DCLK1: variants seen among roughly 807,000 people sequenced by gnomAD.
DCLK1 encodes the protein doublecortin like kinase 1.
A neutral mutation model predicts 86.2 loss-of-function variants in DCLK1; 16 were observed. That is an observed-to-expected ratio of 0.19 (90% CI 0.13 to 0.28). The LOEUF (loss-of-function observed/expected upper bound fraction) is 0.28, where lower values mean the gene tolerates loss of function less well. Among genes scored for constraint, DCLK1 ranks in the 10% least tolerant of loss-of-function variants. DCLK1 has a pLI of 1.00. For synonymous variants in DCLK1, 369 were observed against 370.5 expected (o/e 1.00, Z 0.05); for missense variants, 590 against 940.2 (o/e 0.63, Z 4.87).
chr13:35,997,040 G>C (rs1880508053), intron 3 of DCLK1, among the ~76,000 whole-genome samples: 1 of 123,024 alleles, frequency 8.1e-6, no homozygotes, highest in Admixed American at 8.7e-5. Context: ...GCTAGAAACA[G>C]AGTTTAATGA....
chr13:35,798,199 G>C (rs2086850130), intron 15 of DCLK1, among the ~76,000 whole-genome samples: 1 of 150,804 alleles, frequency 6.6e-6, no homozygotes, highest in African/African-American at 2.5e-5. Context: ...ATTTCTCTAG[G>C]GGTTACTGGG....
rs144267061 is a variant in DCLK1 at position 36,091,993 on chromosome 13, C to T, written c.723+19876G>A. 1.1e-4 allele frequency among the ~76,000 whole-genome samples: 17 copies of T among 152,290 alleles called. No homozygotes were observed. The South Asian group carries it at 2.9e-3, about 26-fold the overall frequency. ...TTGTTTATTTTGCCTAGAATGTCCT[C>T]TCATCATCTTTTCTACTTGCCAATA... is the stretch of plus-strand genomic sequence containing the variant. On this transcript the variant is annotated intron_variant, in intron 3 of 16. Coordinates refer to ENST00000360631, the MANE Select transcript of DCLK1 (RefSeq NM_001330071.2).
At position 35,769,518 on chromosome 13, in the gene DCLK1, CTTTTT is replaced by C. The variant is rs2086292266; in HGVS notation, c.*5012_*5016del. ...TATAACCTTGGACCAGTTTCAATTTCTTTTTATTTTTTCTGAGAATACACCAAAGA... is the reference window on the plus strand; with the variant it reads ...TATAACCTTGGACCAGTTTCAATTTCATTTTTTCTGAGAATACACCAAAGA... On this transcript the variant is annotated 3_prime_UTR_variant, in exon 17 of 17. Coordinates refer to ENST00000360631, the MANE Select transcript of DCLK1 (RefSeq NM_001330071.2). The C allele has an allele frequency of 6.6e-6, 1 of 151,982 alleles. No individual in the cohort carries two copies. Among genetic ancestry groups the C allele is most frequent in the Middle Eastern group, 3.2e-3 (1 of 316 alleles). 9.4% of individuals were successfully genotyped at this position (151,982 alleles called of 1,614,324 possible).
chr13:35,826,763 A>G (rs1868503997), intron 10 of DCLK1, among the ~76,000 whole-genome samples: 1 of 152,078 alleles, frequency 6.6e-6, no homozygotes, highest in Admixed American at 6.5e-5. Flanking sequence ...AAAAGAGAAA[A>G]CCTCACATTC....
At chr13:35,900,762 C>G (rs1049020937) in intron 4 of DCLK1, among the ~76,000 whole-genome samples, 2 of 152,114 alleles carry the variant, frequency 1.3e-5, no homozygotes. Context: ...GCTGTGATAA[C>G]CAAAAATGTC....
At chr13:35,782,064 T>G (rs2086535881) in intron 16 of DCLK1, among the ~76,000 whole-genome samples, 1 of 152,198 alleles carries the variant, frequency 6.6e-6, no homozygotes, top group Non-Finnish European at 1.5e-5. Flanking sequence ...GGAGGCCTTC[T>G]TGGGATGCAA....
chr13:35,858,208 G>C (rs889220527), intron 5 of DCLK1, among the ~76,000 whole-genome samples: 7 of 152,114 alleles, frequency 4.6e-5, no homozygotes. Context: ...GGCTGATCTA[G>C]GGTAGTGTCA....
chr13:36,091,238 G>A (rs1052765207), intron 3 of DCLK1, among the ~76,000 whole-genome samples: 1 of 152,146 alleles, frequency 6.6e-6, no homozygotes, highest in African/African-American at 2.4e-5. Flanking sequence ...TGCTTTTGGT[G>A]TTTTAGTCAT....
intron 4 of DCLK1, among the ~76,000 whole-genome samples, chr13:35,922,315 T>G (rs1207287557): frequency 6.6e-6 from 1 of 152,224 alleles, no homozygotes; most frequent in East Asian, 1.9e-4. Context: ...ATCTTCTACC[T>G]ATTACCTTCC....
Position 35,805,723 on chromosome 13 carries a change from T to C in DCLK1, c.1920A>G (p.Gln640=). The C allele has an allele frequency of 6.2e-7, 1 of 1,613,934 alleles. No homozygotes were observed. Among genetic ancestry groups the C allele is most frequent in the Non-Finnish European group, 8.5e-7 (1 of 1,179,930 alleles). Reference sequence around the variant, plus strand: ...CATTAACCCAGGGATGCTCAAGTACTTGAACAGCAGAAAATCGCTGATCTA... The same window carrying C: ...CATTAACCCAGGGATGCTCAAGTACCTGAACAGCAGAAAATCGCTGATCTA... ...VDVDQRFSAV[Q]VLEHPWVNDD... The change falls in exon 15 of 17, where the codon CAA becomes CAG. Residue 640 remains glutamine (Q), a synonymous_variant. Coordinates refer to ENST00000360631, the MANE Select transcript of DCLK1 (RefSeq NM_001330071.2).
chr13:35,922,731 A>T (rs1875872786), intron 4 of DCLK1, among the ~76,000 whole-genome samples: 2 of 152,198 alleles, frequency 1.3e-5, no homozygotes, highest in African/African-American at 4.8e-5. Flanking sequence ...GTTGAAGACT[A>T]AGCCACACAC....
At chr13:36,013,972 C>T (rs1453085369) in intron 3 of DCLK1, among the ~76,000 whole-genome samples, 5 of 151,870 alleles carry the variant, frequency 3.3e-5, no homozygotes, top group Non-Finnish European at 7.4e-5. Context: ...CAATATTCGC[C>T]AGGTGCGTCC....
At chr13:36,121,665 GA>G (rs1388536288) in intron 2 of DCLK1, among the ~76,000 whole-genome samples, 1 of 151,964 alleles carries the variant, frequency 6.6e-6, no homozygotes, top group African/African-American at 2.4e-5. Context: ...GTATTCACAG[GA>G]AAAAAAGCAC....
intron 4 of DCLK1, among the ~76,000 whole-genome samples, chr13:35,908,696 C>T (rs142579607): frequency 3.9e-5 from 6 of 152,272 alleles, no homozygotes; most frequent in East Asian, 1.9e-4. Flanking sequence ...AGTGCAATGG[C>T]GTGATCTTGG....
chr13:35,936,346 GA>G (rs1324071303), intron 4 of DCLK1, among the ~76,000 whole-genome samples: 1 of 152,220 alleles, frequency 6.6e-6, no homozygotes, highest in Non-Finnish European at 1.5e-5. Context: ...AGACTCCAAG[GA>G]GATGTGTATC....
At chr13:35,867,949 GAA>G (rs1467051832) in intron 5 of DCLK1, among the ~76,000 whole-genome samples, 7 of 140,632 alleles carry the variant, frequency 5.0e-5, no homozygotes, top group African/African-American at 8.1e-5. Context: ...AAGAAAGAAA[GAA>G]AGAAAGAAAG....
At chr13:35,998,992 C>T (rs960158341) in intron 3 of DCLK1, among the ~76,000 whole-genome samples, 3 of 152,170 alleles carry the variant, frequency 2.0e-5, no homozygotes, top group Non-Finnish European at 2.9e-5. Flanking sequence ...TGGTGGCTCA[C>T]GCCTGTAATC....
intron 4 of DCLK1, among the ~76,000 whole-genome samples, chr13:35,911,382 G>A (rs1446379517): frequency 6.6e-6 from 1 of 151,978 alleles, no homozygotes; most frequent in Non-Finnish European, 1.5e-5. Flanking sequence ...CCAAGCAATG[G>A]CCCCACCTCT....
At chr13:36,121,694 G>A (rs1326868131) in intron 2 of DCLK1, among the ~76,000 whole-genome samples, 1 of 152,184 alleles carries the variant, frequency 6.6e-6, no homozygotes, top group Non-Finnish European at 1.5e-5. Context: ...ACAGGGTTCA[G>A]TACTATTTGC....
Sources: allele counts gnomAD v4.1 joint callset (sites outside exome capture counted in the v4.1 genomes callset), GRCh38; gene constraint gnomAD v4.1.1; transcripts MANE v1.5; gene names NCBI Gene and HGNC (gene_info 2026-07-23, HGNC 2026-07-21).